Variants in DHRS9 observed in about 807,000 individuals in gnomAD.
DHRS9 encodes dehydrogenase/reductase SDR family member 9.
A neutral mutation model predicts 26.6 loss-of-function variants in DHRS9; 18 were observed. That is an observed-to-expected ratio of 0.68 (90% confidence interval 0.47 to 1.00). DHRS9 has a LOEUF of 1.00. Ranked by LOEUF, DHRS9 falls within the 50% of genes least tolerant of loss-of-function variation. The pLI, the probability that DHRS9 is intolerant of heterozygous loss-of-function variation, is 0.00. For synonymous variants in DHRS9, 134 were observed against 141.1 expected (o/e 0.95, Z 0.36); for missense variants, 425 against 378.7 (o/e 1.12, Z -1.01).
chr2:169,070,778 T>C, intron 1 of DHRS9: 2 of 985,278 alleles, frequency 2.0e-6, no homozygotes, highest in Non-Finnish European at 1.2e-6. Flanking sequence ...TAAAAACGCA[T>C]ACCTGGCCGG....
rs527446916 is a variant in DHRS9, at chr2:169,083,858, TTTGAG to T, written c.572+274_572+278del. On this transcript the variant is annotated intron_variant, in intron 3 of 4. Transcript: ENST00000674881. ...TGTTACAAAAAATCCAATTATACTC[TTTGAG>T]TTATTTTTAAATCTGTGATAAATTG... 5.4e-3 allele frequency among the ~76,000 whole-genome samples: 818 copies of T among 152,290 alleles called. 7 individuals carry two copies. Among genetic ancestry groups the T allele is most frequent in the African/African-American group, 0.018 (749 of 41,552 alleles).
chr2:169,076,734 C>T (rs1683974210), intron 1 of DHRS9, among the ~76,000 whole-genome samples: 2 of 152,134 alleles, frequency 1.3e-5, no homozygotes, highest in South Asian at 4.1e-4. Flanking sequence ...CCCATTCAGT[C>T]GAAAATTCAT....
At chr2:169,079,883 A>AG (rs1558951373) in intron 1 of DHRS9, among the ~76,000 whole-genome samples, 11,196 of 80,780 alleles carry the variant, frequency 0.14, 1,973 homozygotes, top group African/African-American at 0.23. Context: ...GAAAGAAAGA[A>AG]AGAGAGAGAG....
chr2:169,084,845 A>G (rs1265089010), intron 3 of DHRS9, among the ~76,000 whole-genome samples: 1 of 151,942 alleles, frequency 6.6e-6, no homozygotes, highest in Non-Finnish European at 1.5e-5. Context: ...ATGTAATCCC[A>G]TTTGTCCATT....
At chr2:169,092,380 T>C (rs1279551238) in intron 4 of DHRS9, among the ~76,000 whole-genome samples, 4 of 152,216 alleles carry the variant, frequency 2.6e-5, no homozygotes, top group Non-Finnish European at 4.4e-5. Flanking sequence ...TAAGGATTTA[T>C]GGTGGTTACA....
intron 4 of DHRS9, among the ~76,000 whole-genome samples, chr2:169,094,581 A>G (rs909968427): frequency 1.9e-4 from 29 of 150,028 alleles, no homozygotes; most frequent in African/African-American, 6.4e-4. Flanking sequence ...AGGTCACACT[A>G]TGGTGCCCAG....
At chr2:169,092,458 C>T (rs1684560419) in intron 4 of DHRS9, among the ~76,000 whole-genome samples, 1 of 152,126 alleles carries the variant, frequency 6.6e-6, no homozygotes, top group African/African-American at 2.4e-5. Flanking sequence ...AGTAACCAAG[C>T]GAGAATGTAA....
chr2:169,082,279 C>T (rs921798009), intron 2 of DHRS9, among the ~76,000 whole-genome samples: 1 of 152,154 alleles, frequency 6.6e-6, no homozygotes, highest in Non-Finnish European at 1.5e-5. Context: ...ACCTGGCACC[C>T]ACTTCTCCCT....
chr2:169,068,674 T>G (rs1043620486), upstream of DHRS9, among the ~76,000 whole-genome samples: 1 of 152,346 alleles, frequency 6.6e-6, no homozygotes, highest in Admixed American at 6.5e-5. Context: ...TAGACAGATA[T>G]GTTCATTCAT....
chr2:169,067,170 T>C (rs1041554786), upstream of DHRS9: 28 of 1,535,522 alleles, frequency 1.8e-5, no homozygotes, highest in Middle Eastern at 1.7e-4. Context: ...GAAGCCACTG[T>C]GCATGCTCTA....
At chr2:169,074,258 GGAAA>G in intron 1 of DHRS9, 5 of 985,266 alleles carry the variant, frequency 5.1e-6, no homozygotes, top group Non-Finnish European at 6.0e-6. Context: ...TTTACAGGTA[GGAAA>G]ATGGAGGCTA....
upstream of DHRS9, among the ~76,000 whole-genome samples, chr2:169,067,525 C>T (rs566351191): frequency 6.6e-6 from 1 of 152,266 alleles, no homozygotes; most frequent in South Asian, 2.1e-4. Flanking sequence ...AGCCTTACCA[C>T]TGTATACTTA....
upstream of DHRS9, among the ~76,000 whole-genome samples, chr2:169,069,214 G>A (rs781403232): frequency 6.6e-6 from 1 of 151,986 alleles, no homozygotes; most frequent in Non-Finnish European, 1.5e-5. Context: ...ATAAGCCAAG[G>A]CATGCTAACA....
chr2:169,079,095 C>G (rs558625545), intron 1 of DHRS9, among the ~76,000 whole-genome samples: 7 of 152,160 alleles, frequency 4.6e-5, no homozygotes, highest in African/African-American at 1.2e-4. Context: ...GATCTGCCCC[C>G]CTCTGCCTCC....
At chr2:169,085,148 T>C (rs1437162587) in intron 3 of DHRS9, among the ~76,000 whole-genome samples, 1 of 152,202 alleles carries the variant, frequency 6.6e-6, no homozygotes, top group Non-Finnish European at 1.5e-5. Flanking sequence ...TCATTGTAGA[T>C]GTATGGATTT....
intron 2 of DHRS9, 41 bp downstream of exon 2, chr2:169,081,935 G>A: frequency 1.3e-6 from 2 of 1,528,968 alleles, no homozygotes; most frequent in South Asian, 1.3e-5. Flanking sequence ...CAGGGATAGG[G>A]GATAGGGAGG....
chr2:169,092,304 C>T (rs1306341472), intron 4 of DHRS9, among the ~76,000 whole-genome samples: 2 of 152,216 alleles, frequency 1.3e-5, no homozygotes, highest in African/African-American at 4.8e-5. Flanking sequence ...GAAGGCAAGT[C>T]GAGCCACGGT....
chr2:169,096,027 G>A lies in DHRS9; in HGVS notation c.*260G>A. On this transcript the variant is annotated 3_prime_UTR_variant, in exon 5 of 5. Coordinates refer to ENST00000674881, the MANE Select transcript of DHRS9 (RefSeq NM_001376924.1). ...TTAGGCTTTGCCTGCTTGGTGTGAT[G>A]TAAGGGAAATTGAAAGACTTGCCCA... 2.1e-6 allele frequency: 1 copy of A among 485,388 alleles called. No individual in the cohort carries two copies. Among genetic ancestry groups the A allele is most frequent in the Non-Finnish European group, 3.7e-6 (1 of 269,202 alleles). 30.1% of individuals were successfully genotyped at this position (485,388 alleles called of 1,614,324 possible). A position where few individuals can be genotyped will look rare whatever the true frequency, so the allele number is the denominator to read the frequency against.
At chr2:169,093,796 T>C (rs568869335) in intron 4 of DHRS9, among the ~76,000 whole-genome samples, 19 of 152,306 alleles carry the variant, frequency 1.2e-4, no homozygotes, top group Non-Finnish European at 2.2e-4. Flanking sequence ...TTGAAGGTCA[T>C]CTTTTCTTAA....
Sources: allele counts gnomAD v4.1 joint callset (sites outside exome capture counted in the v4.1 genomes callset), GRCh38; gene constraint gnomAD v4.1.1; transcripts MANE v1.5; gene names NCBI Gene and HGNC (gene_info 2026-07-23, HGNC 2026-07-21).